The following QTMAN variants were observed in gnomAD, a reference collection of about 807,000 sequenced individuals.
The protein encoded by QTMAN is tRNA-queuosine alpha-mannosyltransferase.
chr2:143,946,920 G>A, the QTMAN span: 1 of 652,008 alleles, frequency 1.5e-6, no homozygotes, highest in Non-Finnish European at 2.7e-6. Flanking sequence ...CTCTGTGTCA[G>A]CTATGACAAG....
At chr2:144,055,334 G>C in the QTMAN span, among the ~76,000 whole-genome samples, 9 of 132,768 alleles carry the variant, frequency 6.8e-5, no homozygotes, top group African/African-American at 1.1e-4. Context: ...CAGACACACA[G>C]ACACACACAC....
chr2:144,089,869 G>A, the QTMAN span, among the ~76,000 whole-genome samples: 1 of 151,786 alleles, frequency 6.6e-6, no homozygotes, highest in African/African-American at 2.4e-5. Flanking sequence ...CCAGAGTAGG[G>A]CTATATACTT....
chr2:144,228,261 G>A, the QTMAN span, among the ~76,000 whole-genome samples: 1 of 152,072 alleles, frequency 6.6e-6, no homozygotes, highest in Non-Finnish European at 1.5e-5. Context: ...AGAGATACTT[G>A]AGTTAGACTC....
At chr2:144,167,461 A>T in the QTMAN span, among the ~76,000 whole-genome samples, 3 of 152,064 alleles carry the variant, frequency 2.0e-5, no homozygotes, top group African/African-American at 4.8e-5. Flanking sequence ...CCCAAATCTC[A>T]CCTTGAATTG....
chr2:144,177,252 T>TAAAAAAA, the QTMAN span: 1 of 583,590 alleles, frequency 1.7e-6, no homozygotes, highest in Non-Finnish European at 3.0e-6. Flanking sequence ...TTGATCCCAA[T>TAAAAAAA]AAAAAAAAAA....
chr2:143,965,436 G>A, the QTMAN span, among the ~76,000 whole-genome samples: 2 of 152,112 alleles, frequency 1.3e-5, no homozygotes, highest in Non-Finnish European at 2.9e-5. Context: ...TGATAGGGCA[G>A]GTGATTTTAT....
At chr2:143,957,437 G>A in the QTMAN span, 2 of 663,702 alleles carry the variant, frequency 3.0e-6, no homozygotes, top group Admixed American at 4.0e-5. Context: ...TTAATTAGCT[G>A]CTGCTTATTT....
chr2:144,127,131 T>C, the QTMAN span, among the ~76,000 whole-genome samples: 1 of 151,828 alleles, frequency 6.6e-6, no homozygotes, highest in Non-Finnish European at 1.5e-5. Context: ...ATAAAAGAAA[T>C]ACTTACAAGC....
the QTMAN span, among the ~76,000 whole-genome samples, chr2:144,137,425 C>A: frequency 6.6e-6 from 1 of 151,864 alleles, no homozygotes; most frequent in South Asian, 2.1e-4. Context: ...TGGTTTATCT[C>A]TCTCCTCCCC....
At chr2:144,219,056 T>TA in the QTMAN span, among the ~76,000 whole-genome samples, 6 of 152,230 alleles carry the variant, frequency 3.9e-5, no homozygotes, top group Admixed American at 1.3e-4. Flanking sequence ...GGATCAACCT[T>TA]AGACACATTT....
At chr2:144,172,621 CA>C in the QTMAN span, among the ~76,000 whole-genome samples, 8,369 of 51,450 alleles carry the variant, frequency 0.16, 264 homozygotes, top group African/African-American at 0.34. Context: ...AAGACTCTGT[CA>C]AAAAAAAAAA....
chr2:144,275,687 T>C, the QTMAN span, among the ~76,000 whole-genome samples: 2 of 152,140 alleles, frequency 1.3e-5, no homozygotes, highest in Non-Finnish European at 2.9e-5. Flanking sequence ...AGCCCCATGA[T>C]TGCAGGGAAG....
At chr2:144,209,574 G>C in the QTMAN span, among the ~76,000 whole-genome samples, 2 of 152,136 alleles carry the variant, frequency 1.3e-5, no homozygotes, top group African/African-American at 4.8e-5. Flanking sequence ...GAGGGATAAA[G>C]TAGCAATAAT....
chr2:144,017,105 A>G, the QTMAN span, among the ~76,000 whole-genome samples: 1 of 151,950 alleles, frequency 6.6e-6, no homozygotes, highest in African/African-American at 2.4e-5. Context: ...CCCGGGTTCA[A>G]GCAATTCTCC....
the QTMAN span, among the ~76,000 whole-genome samples, chr2:144,289,462 G>A: frequency 6.6e-6 from 1 of 152,174 alleles, no homozygotes; most frequent in East Asian, 1.9e-4. Context: ...TAGAACATGA[G>A]AACATGTGCA....
chr2:144,278,845 T>C, the QTMAN span, among the ~76,000 whole-genome samples: 1 of 152,130 alleles, frequency 6.6e-6, no homozygotes, highest in Non-Finnish European at 1.5e-5. Flanking sequence ...CAGAAATAAC[T>C]AGATGATGAT....
chr2:144,030,150 G>A, the QTMAN span, among the ~76,000 whole-genome samples: 1 of 152,138 alleles, frequency 6.6e-6, no homozygotes, highest in Non-Finnish European at 1.5e-5. Flanking sequence ...TGAATAAGGG[G>A]GTTGGGGTGA....
At chr2:144,197,666 T>C in the QTMAN span, among the ~76,000 whole-genome samples, 3 of 152,160 alleles carry the variant, frequency 2.0e-5, no homozygotes, top group Non-Finnish European at 4.4e-5. Flanking sequence ...ATTTCTTAAC[T>C]AGTAAAAAGC....
At chr2:144,212,040 CAA>C in the QTMAN span, among the ~76,000 whole-genome samples, 1 of 152,202 alleles carries the variant, frequency 6.6e-6, no homozygotes, top group African/African-American at 2.4e-5. Context: ...AGGCTGTGGT[CAA>C]GTGTTTGCTA....
Sources: gnomAD v4.1 joint callset for allele counts (sites outside exome capture counted in the v4.1 genomes callset) on GRCh38, gnomAD v4.1.1 for gene constraint, MANE v1.5 for transcripts, NCBI Gene and HGNC (gene_info 2026-07-23, HGNC 2026-07-21) for gene names.